Variants in CBLN2 observed in about 807,000 individuals in gnomAD.
CBLN2 encodes cerebellin-2.
A neutral mutation model predicts 15.0 loss-of-function variants in CBLN2; 7 were observed. That is an observed-to-expected ratio of 0.47 (90% CI 0.27 to 0.88). The LOEUF is 0.88. CBLN2 is among the 40% of genes least tolerant of loss of function. CBLN2 has a pLI of 0.14. For synonymous variants in CBLN2, 149 were observed against 135.2 expected (o/e 1.10, Z -0.71); for missense variants, 242 against 304.5 (o/e 0.79, Z 1.53).
At chr18:72,572,967 T>C (rs1017969489) in intron 1 of CBLN2, among the ~76,000 whole-genome samples, 3 of 152,184 alleles carry the variant, frequency 2.0e-5, no homozygotes, top group Admixed American at 2.0e-4. Flanking sequence ...CAAAACAGAT[T>C]ATCTTGATTA....
At chr18:72,538,400 A>T (rs1288452106) in intron 4 of CBLN2, 27 bp from the exon 5 acceptor site, 6 of 1,610,972 alleles carry the variant, frequency 3.7e-6, no homozygotes, top group Non-Finnish European at 5.1e-6. Context: ...AGAGCTCAGC[A>T]GACCATAAAG....
chr18:72,549,530 G>A (rs943741816), intron 1 of CBLN2, among the ~76,000 whole-genome samples: 16 of 152,292 alleles, frequency 1.1e-4, no homozygotes, highest in Middle Eastern at 3.4e-3. Flanking sequence ...AAACATGGAA[G>A]CCAGTATCCA....
chr18:72,630,620 C>T (rs2069769882), intron 1 of CBLN2, among the ~76,000 whole-genome samples: 1 of 136,040 alleles, frequency 7.4e-6, no homozygotes, highest in Admixed American at 7.8e-5. Context: ...AAATTGAGAT[C>T]CAAGCTGTTT....
intron 1 of CBLN2, among the ~76,000 whole-genome samples, chr18:72,576,639 G>C (rs1193675517): frequency 1.3e-5 from 2 of 152,020 alleles, no homozygotes; most frequent in Non-Finnish European, 1.5e-5. Flanking sequence ...AGTCAGTTCA[G>C]TTCTAAAATC....
chr18:72,559,639 A>G (rs1054663701), intron 1 of CBLN2, among the ~76,000 whole-genome samples: 2 of 152,264 alleles, frequency 1.3e-5, no homozygotes, highest in East Asian at 3.8e-4. Flanking sequence ...ATTTGAAGAA[A>G]GCACTTTTCA....
In CBLN2 at chr18:72,588,865, G is replaced by A. The variant is rs545509610; in HGVS notation, c.15+49460C>T. ...CCATGTAGGGAACATTAAGTACTTC[G>A]CTCAAGCTGGAGCGTAATATTTGGA... is the stretch of plus-strand genomic sequence containing the variant. On this transcript the variant is annotated intron_variant, in intron 1 of 2. Coordinates refer to the CBLN2 transcript ENST00000581073. Among the ~76,000 whole-genome samples, 5 of 152,314 alleles carry A rather than the reference G, an allele frequency of 3.3e-5. No individual in the cohort carries two copies. The South Asian group carries it at 1.0e-3, about 32-fold the overall frequency.
rs2069136951 is a variant in CBLN2 at position 72,543,796 on chromosome 18, C to T, written c.-212+181G>A. On this transcript the variant is annotated intron_variant, in intron 1 of 4. Transcript: ENST00000269503. The surrounding 1 kb of genome is among the most constrained non-coding windows in gnomAD (Gnocchi z 6.8). ...CTGGGCTTCGCGCCCGCACCGCTGC[C>T]TGGGGCCCCTCGAGCTCCCGCGCTC... Among the ~76,000 whole-genome samples the T allele has an allele frequency of 6.6e-6, 1 of 151,956 alleles. No individual in the cohort carries two copies. Among genetic ancestry groups the T allele is most frequent in the African/African-American group, 2.4e-5 (1 of 41,436 alleles).
chr18:72,612,485 A>C (rs2069628940), intron 1 of CBLN2, among the ~76,000 whole-genome samples: 1 of 149,048 alleles, frequency 6.7e-6, no homozygotes, highest in Non-Finnish European at 1.5e-5. Context: ...AGCCCTTTGC[A>C]GAATGGCCCC....
At chr18:72,561,243 C>CCA (rs374840242) in intron 1 of CBLN2, among the ~76,000 whole-genome samples, 5 of 125,002 alleles carry the variant, frequency 4.0e-5, no homozygotes, top group Admixed American at 8.1e-5. Context: ...AACAACAACC[C>CCA]AAAAAAAAAA....
rs1233645198 is a variant in CBLN2, at chr18:72,543,952, CCT to C, written c.-212+23_-212+24del. On this transcript the variant is annotated intron_variant, in intron 1 of 4. Coordinates refer to ENST00000269503, the MANE Select transcript of CBLN2 (RefSeq NM_182511.4). The surrounding 1 kb of genome is among the most constrained non-coding windows in gnomAD (Gnocchi z 6.8). ...TTCCCTGCTCCCAAGCCCGCCGCAC[CCT>C]CCAACGCCCCGGTCCTGCTCACCCA... The C allele has an allele frequency of 6.5e-6, 1 of 152,978 alleles. No individual in the cohort carries two copies. The highest frequency in any genetic ancestry group is 1.5e-5 in the Non-Finnish European group (1 of 68,802). The allele number at this position is 152,978 out of a possible 1,614,324, so 9.5% of individuals were successfully genotyped here.
chr18:72,576,380 C>G (rs533860029), intron 1 of CBLN2, among the ~76,000 whole-genome samples: 2 of 152,226 alleles, frequency 1.3e-5, no homozygotes, highest in South Asian at 4.2e-4. Context: ...AAATAGAGGT[C>G]AGAGCTTGTC....
chr18:72,618,217 A>T, intron 1 of CBLN2: 1 of 227,042 alleles, frequency 4.4e-6, no homozygotes, highest in African/African-American at 2.3e-5. Flanking sequence ...CTTTCTGCCC[A>T]TGGACGCTGC....
chr18:72,538,842 G>C, intron 3 of CBLN2, 70 bp from the exon 4 acceptor site: 1 of 1,573,854 alleles, frequency 6.4e-7, no homozygotes, highest in African/African-American at 1.4e-5. Flanking sequence ...ATCATCCTTG[G>C]ATAACCAGCA....
intron 1 of CBLN2, among the ~76,000 whole-genome samples, chr18:72,599,825 G>A (rs1271462273): frequency 6.6e-6 from 1 of 152,202 alleles, no homozygotes; most frequent in African/African-American, 2.4e-5. Flanking sequence ...TACAAGGAAG[G>A]CAGGTGATAA....
chr18:72,552,383 CA>C (rs1164191109), intron 1 of CBLN2, among the ~76,000 whole-genome samples: 1 of 151,878 alleles, frequency 6.6e-6, no homozygotes, highest in East Asian at 1.9e-4. Flanking sequence ...TGAGCCCGGC[CA>C]AAATACTTTT....
intron 1 of CBLN2, among the ~76,000 whole-genome samples, chr18:72,637,041 C>CA (rs113009406): frequency 0.12 from 14,690 of 127,508 alleles, 932 homozygotes; most frequent in African/African-American, 0.19. Flanking sequence ...AACAAAACTG[C>CA]AAAAAAAAAA....
intron 1 of CBLN2, among the ~76,000 whole-genome samples, chr18:72,570,301 T>TTTC (rs2069323063): frequency 9.3e-6 from 1 of 107,782 alleles, no homozygotes; most frequent in Admixed American, 9.4e-5. Flanking sequence ...TTTTTTTTTT[T>TTTC]CCCGCGGCTT....
chr18:72,634,116 T>A (rs1025446176), intron 1 of CBLN2, among the ~76,000 whole-genome samples: 2 of 151,998 alleles, frequency 1.3e-5, no homozygotes, highest in Admixed American at 6.6e-5. Context: ...GAAGGAAATG[T>A]TTCTATGGCA....
chr18:72,617,971 A>G (rs2144962823), intron 1 of CBLN2, among the ~76,000 whole-genome samples: 1 of 152,318 alleles, frequency 6.6e-6, no homozygotes, highest in African/African-American at 2.4e-5. Flanking sequence ...TAAATGGAAG[A>G]AAAAATTTTA....
Sources: gnomAD v4.1 joint callset for allele counts (sites outside exome capture counted in the v4.1 genomes callset) on GRCh38, gnomAD v4.1.1 for gene constraint, Gnocchi (gnomAD v3.1) non-coding constraint, MANE v1.5 for transcripts, NCBI Gene and HGNC (gene_info 2026-07-23, HGNC 2026-07-21) for gene names.